TINAG: variants seen among roughly 807,000 people sequenced by gnomAD.
The protein encoded by TINAG is tubulointerstitial nephritis antigen.
TINAG carries 83 observed loss-of-function variants against 72.7 expected under a neutral mutation model. That is an observed-to-expected ratio of 1.14 (90% confidence interval 0.96 to 1.37). The LOEUF is 1.37. Ranked by LOEUF, TINAG falls within the 40% of genes most tolerant of loss-of-function variation. TINAG has a pLI of 0.00. For synonymous variants in TINAG, 234 were observed against 189.9 expected (o/e 1.23, Z -1.91); for missense variants, 685 against 576.6 (o/e 1.19, Z -1.93).
chr6:54,386,397 G>A (rs991567209), intron 10 of TINAG, among the ~76,000 whole-genome samples: 2 of 152,098 alleles, frequency 1.3e-5, no homozygotes, highest in Non-Finnish European at 2.9e-5. Context: ...TGTCTGAGTT[G>A]TGTTCCTTTC....
chr6:54,308,797 T>C lies in TINAG; in HGVS notation c.247T>C (p.Cys83Arg). 4 of 1,613,860 alleles carry C rather than the reference T, an allele frequency of 2.5e-6. No homozygotes were observed. Among genetic ancestry groups the C allele is most frequent in the African/African-American group, 1.3e-5 (1 of 74,998 alleles). The change falls in exon 1 of 11, where the codon TGT becomes CGT. Residue 83 changes from cysteine (C) to arginine (R), a missense_variant. Transcript: ENST00000259782. ...CTATGCGGCGAATGCGTTGTGCTAC[T>C]GTGATAAATTCTGTGACAGAGAAAA... Reference protein sequence around the residue: ...EFYAANALCYCDKFCDRENSD... With the variant: ...EFYAANALCYRDKFCDRENSD...
chr6:54,359,180 TA>T (rs1462127528), intron 9 of TINAG, among the ~76,000 whole-genome samples: 3 of 151,892 alleles, frequency 2.0e-5, no homozygotes, highest in Non-Finnish European at 4.4e-5. Context: ...TGGGGCTTTT[TA>T]GGAAGGTAAA....
intron 4 of TINAG, 37 bp downstream of exon 4, chr6:54,326,953 T>C (rs756788547): frequency 6.2e-7 from 1 of 1,612,504 alleles, no homozygotes; most frequent in Non-Finnish European, 8.5e-7. Context: ...GTGCATGTAT[T>C]TGTAAAAGTG....
At chr6:54,312,421 A>G (rs78855775) in intron 1 of TINAG, among the ~76,000 whole-genome samples, 1,857 of 152,272 alleles carry the variant, frequency 0.012, 42 homozygotes, top group African/African-American at 0.042. Context: ...TTAGAAACAA[A>G]AATGTATTTA....
chr6:54,336,802 A>G (rs1194465085), intron 4 of TINAG, among the ~76,000 whole-genome samples: 1 of 152,130 alleles, frequency 6.6e-6, no homozygotes, highest in Non-Finnish European at 1.5e-5. Context: ...CTAGTATGGC[A>G]TTTAAAACCT....
At chr6:54,369,844 A>G (rs1763551428) in intron 9 of TINAG, 1 of 152,074 alleles carries the variant, frequency 6.6e-6, no homozygotes, top group South Asian at 2.1e-4. Flanking sequence ...GAGGAAATAA[A>G]TTAATACTAC....
rs564868513 is a variant in TINAG at position 54,383,504 on chromosome 6, C to T, written c.1296+2933C>T. Among the ~76,000 whole-genome samples the T allele has an allele frequency of 1.5e-3, 221 of 151,810 alleles. 2 individuals are homozygous for T. Among genetic ancestry groups the T allele is most frequent in the African/African-American group, 4.9e-3 (201 of 41,400 alleles). The stretch of plus-strand genomic sequence containing the variant: ...TTGTGTTTTTAAAAAAATGAGAGTG[C>T]TAAATCTGGAGAAAAATTTTTGGCC... On this transcript the variant is annotated intron_variant, in intron 10 of 10. Coordinates refer to ENST00000259782, the MANE Select transcript of TINAG (RefSeq NM_014464.4).
intron 9 of TINAG, among the ~76,000 whole-genome samples, chr6:54,376,421 T>C (rs776868102): frequency 5.3e-4 from 81 of 152,166 alleles, no homozygotes; most frequent in Admixed American, 4.8e-3. Flanking sequence ...GGGATACTTA[T>C]AGGAATATAA....
chr6:54,366,603 G>GGAGGGAGA lies in TINAG; in HGVS notation c.1250+11970_1250+11971insGGAGAGAG, dbSNP rs1554208275. Among the ~76,000 whole-genome samples the GGAGGGAGA allele has an allele frequency of 1.8e-3, 263 of 147,606 alleles. 1 individual carries two copies. The highest frequency in any genetic ancestry group is 6.1e-3 in the African/African-American group (247 of 40,358). ...AGATAGAGAAGAGGGAGGGAGGGAG[G>GGAGGGAGA]GAGAGAGAGAGAGAGAGAGAAGAAA... On this transcript the variant is annotated intron_variant, in intron 9 of 10. Coordinates refer to ENST00000259782, the MANE Select transcript of TINAG (RefSeq NM_014464.4).
intron 1 of TINAG, among the ~76,000 whole-genome samples, chr6:54,310,029 C>G (rs1784202008): frequency 6.6e-6 from 1 of 150,738 alleles, no homozygotes; most frequent in South Asian, 2.1e-4. Flanking sequence ...TCCCTCCCTC[C>G]ACACCTCCAT....
rs575997151 is a variant in TINAG, at chr6:54,332,682, A to C, written c.624+5766A>C. Among the ~76,000 whole-genome samples, 32 of 152,336 alleles carry C rather than the reference A, an allele frequency of 2.1e-4. No homozygotes were observed. The South Asian group carries it at 6.0e-3, about 29-fold the overall frequency. On this transcript the variant is annotated intron_variant, in intron 4 of 10. Coordinates refer to ENST00000259782, the MANE Select transcript of TINAG (RefSeq NM_014464.4). ...AAACTATCATCAGAGTGAACAGGCA[A>C]CCTACAGAATGGGAGAAAATTTTTG...
At chr6:54,314,065 T>C (rs1408578863) in intron 1 of TINAG, among the ~76,000 whole-genome samples, 1 of 152,132 alleles carries the variant, frequency 6.6e-6, no homozygotes, top group Non-Finnish European at 1.5e-5. Context: ...TTAAGAAGCA[T>C]CGTGTGACTT....
intron 1 of TINAG, among the ~76,000 whole-genome samples, chr6:54,309,304 T>A (rs1784184872): frequency 6.6e-6 from 1 of 152,198 alleles, no homozygotes; most frequent in Non-Finnish European, 1.5e-5. Flanking sequence ...CAAGATTTCC[T>A]ATCCGTAGAT....
intron 4 of TINAG, among the ~76,000 whole-genome samples, chr6:54,328,704 T>A (rs1046172864): frequency 1.3e-5 from 2 of 151,826 alleles, no homozygotes; most frequent in East Asian, 3.9e-4. Flanking sequence ...TAACTGAATG[T>A]AAGGAAGCTA....
chr6:54,371,059 G>T (rs904141476), intron 9 of TINAG, among the ~76,000 whole-genome samples: 1 of 151,918 alleles, frequency 6.6e-6, no homozygotes, highest in Admixed American at 6.6e-5. Context: ...GTTTTTAAAA[G>T]AATTCTTAGA....
At chr6:54,371,785 G>T (rs956465707) in intron 9 of TINAG, among the ~76,000 whole-genome samples, 6 of 151,910 alleles carry the variant, frequency 3.9e-5, no homozygotes, top group East Asian at 1.9e-4. Flanking sequence ...CTATTGGATT[G>T]CATTAAATCA....
chr6:54,316,567 A>G (rs554270499), intron 1 of TINAG, among the ~76,000 whole-genome samples: 70 of 152,318 alleles, frequency 4.6e-4, no homozygotes, highest in Non-Finnish European at 8.5e-4. Flanking sequence ...TAGAGCAAGC[A>G]ACTGCCTTTA....
intron 5 of TINAG, among the ~76,000 whole-genome samples, chr6:54,345,031 T>C (rs1405741600): frequency 6.6e-6 from 1 of 152,138 alleles, no homozygotes; most frequent in Non-Finnish European, 1.5e-5. Flanking sequence ...TGTAATCAAA[T>C]CAAATTCAAG....
At chr6:54,346,985 T>C (rs985711013) in intron 5 of TINAG, among the ~76,000 whole-genome samples, 6 of 152,124 alleles carry the variant, frequency 3.9e-5, no homozygotes, top group African/African-American at 1.2e-4. Flanking sequence ...TATTTTCCCA[T>C]GACTATATGC....
Sources: allele counts gnomAD v4.1 joint callset (sites outside exome capture counted in the v4.1 genomes callset), GRCh38; gene constraint gnomAD v4.1.1; transcripts MANE v1.5; gene names NCBI Gene and HGNC (gene_info 2026-07-23, HGNC 2026-07-21).